Variants in ZNF735 observed in about 807,000 individuals in gnomAD.
ZNF735 encodes zinc finger protein 735, also known as putative zinc finger protein 735.
Under a neutral mutation model 13.4 loss-of-function variants are expected in ZNF735, and 11 were observed. The ratio of observed to expected loss-of-function variants is 0.82; its 90% confidence interval spans 0.52 to 1.36. The LOEUF is 1.36. Ranked by LOEUF, ZNF735 falls within the 40% of genes most tolerant of loss-of-function variation. The pLI is 0.00. For missense variants in ZNF735, 500 were observed against 484.6 expected (o/e 1.03, Z -0.30); for synonymous variants, 171 against 162.6 (o/e 1.05, Z -0.39).
At chr7:64,213,011 T>C (rs1787377915) in intron 1 of ZNF735, 81 bp from the exon 2 acceptor site, 2 of 1,428,066 alleles carry the variant, frequency 1.4e-6, no homozygotes, top group Non-Finnish European at 1.9e-6. Context: ...ACTCTCTTTT[T>C]TAACTTGAGT....
At chr7:64,212,791 G>GAA (rs397733091) in intron 1 of ZNF735, among the ~76,000 whole-genome samples, 24 of 125,562 alleles carry the variant, frequency 1.9e-4, no homozygotes, top group Admixed American at 4.0e-4. Context: ...ACTTGGTAAA[G>GAA]AAAAAAAAAA....
intron 3 of ZNF735, among the ~76,000 whole-genome samples, chr7:64,215,744 C>A (rs891846696): frequency 2.6e-5 from 4 of 151,494 alleles, no homozygotes; most frequent in Non-Finnish European, 5.9e-5. Flanking sequence ...ATGTAGATAT[C>A]CAGTTTTCAA....
rs1787388114 is a variant in ZNF735 at position 64,213,802 on chromosome 7, T to TACAAAG, written c.167-206_167-205insGACAAA. On this transcript the variant is annotated intron_variant, in intron 2 of 3. Coordinates refer to ENST00000429565, the Ensembl canonical transcript of ZNF735. ...GGTGAAACTCCGTCTCTACTAAAAA[T>TACAAAG]ACAAAAATTAGCTGGGCGTGGTGGT... Among the ~76,000 whole-genome samples, 3 of 151,816 alleles carry TACAAAG rather than the reference T, an allele frequency of 2.0e-5. No individual in the cohort carries two copies. In the South Asian group the frequency reaches 6.2e-4, roughly 32 times the overall value.
At chr7:64,209,459 T>G (rs567698531) in intron 1 of ZNF735, among the ~76,000 whole-genome samples, 283 of 151,998 alleles carry the variant, frequency 1.9e-3, no homozygotes, top group Admixed American at 3.1e-3. Flanking sequence ...GCGATTCTCC[T>G]GGGATTACAG....
At chr7:64,216,607 A>ATTTTTTTTT (rs34572712) in intron 3 of ZNF735, among the ~76,000 whole-genome samples, 3 of 145,550 alleles carry the variant, frequency 2.1e-5, no homozygotes, top group African/African-American at 7.5e-5. Flanking sequence ...CTCTTCTTAA[A>ATTTTTTTTT]TTTTTTTTTT....
chr7:64,207,233 C>G (rs776562576), exon 1 of ZNF735: 1 of 1,614,092 alleles, frequency 6.2e-7, no homozygotes, highest in South Asian at 1.1e-5. Flanking sequence ...CCCTGGAAGC[C>G]GAGAAATGGT....
At chr7:64,219,700 G>A in exon 4 of ZNF735, 3 of 1,590,634 alleles carry the variant, frequency 1.9e-6, no homozygotes, top group Middle Eastern at 1.7e-4. Flanking sequence ...CAAATGTGAA[G>A]AATGTGGCAA....
exon 4 of ZNF735, chr7:64,219,930 A>G: frequency 6.2e-7 from 1 of 1,613,932 alleles, no homozygotes. Context: ...TTCATACTGG[A>G]GAGAGACCCT....
chr7:64,220,234 A>G (rs1052586061), exon 4 of ZNF735: 2 of 1,612,550 alleles, frequency 1.2e-6, no homozygotes, highest in African/African-American at 2.7e-5. Flanking sequence ...GTGGCATTCA[A>G]GTCTTGCTAA....
chr7:64,219,759 T>C (rs1402616115), exon 4 of ZNF735: 1 of 1,610,058 alleles, frequency 6.2e-7, no homozygotes, highest in South Asian at 1.1e-5. Flanking sequence ...GAATTCTTAC[T>C]GGAGAGAAAC....
chr7:64,215,714 C>T (rs1311312629), intron 3 of ZNF735, among the ~76,000 whole-genome samples: 1 of 151,592 alleles, frequency 6.6e-6, no homozygotes, highest in Non-Finnish European at 1.5e-5. Context: ...GCAATTAAAG[C>T]ATCCAACTTC....
rs551760886 is a variant in ZNF735, at chr7:64,213,083, T to C, written c.40-9T>C. 2.0e-5 allele frequency: 32 copies of C among 1,607,458 alleles called. No homozygotes were observed. Among genetic ancestry groups the C allele is most frequent in the African/African-American group, 1.7e-4 (13 of 74,584 alleles). ...GTGTGTTCATGAGGTTTTTCTTTTT[T>C]TTTTTCAGGGACTGTTGACATTCAG... On this transcript the variant is annotated splice_polypyrimidine_tract_variant and intron_variant, in intron 1 of 3. Coordinates refer to ENST00000429565, the Ensembl canonical transcript of ZNF735.
intron 1 of ZNF735, among the ~76,000 whole-genome samples, chr7:64,211,381 C>A (rs756401543): frequency 6.6e-6 from 1 of 152,126 alleles, no homozygotes; most frequent in African/African-American, 2.4e-5. Context: ...TAGTTCCATG[C>A]AGAACAGGGT....
At chr7:64,214,716 CTG>C (rs763137403) in intron 3 of ZNF735, among the ~76,000 whole-genome samples, 5 of 151,760 alleles carry the variant, frequency 3.3e-5, no homozygotes, top group Non-Finnish European at 7.4e-5. Context: ...TCATTTTACT[CTG>C]TTGCATATTT....
At chr7:64,212,654 G>A (rs1350425928) in intron 1 of ZNF735, among the ~76,000 whole-genome samples, 2 of 151,982 alleles carry the variant, frequency 1.3e-5, no homozygotes, top group Non-Finnish European at 2.9e-5. Context: ...TTAGCCAGGC[G>A]TGGTGGCCCA....
At chr7:64,214,893 A>G (rs1461427952) in intron 3 of ZNF735, among the ~76,000 whole-genome samples, 1 of 152,038 alleles carries the variant, frequency 6.6e-6, no homozygotes, top group Non-Finnish European at 1.5e-5. Flanking sequence ...GGTGTTTTAA[A>G]AAAAAATTAT....
chr7:64,207,282 T>C (rs1787299741), intron 1 of ZNF735, 41 bp downstream of exon 1: 1 of 1,613,958 alleles, frequency 6.2e-7, no homozygotes, highest in Non-Finnish European at 8.5e-7. Context: ...GGGTGGGAGG[T>C]GGTTGGAACC....
chr7:64,216,386 A>T (rs1787421493), intron 3 of ZNF735, among the ~76,000 whole-genome samples: 1 of 152,114 alleles, frequency 6.6e-6, no homozygotes, highest in African/African-American at 2.4e-5. Context: ...CCACTGTGGG[A>T]TATATTGACA....
intron 1 of ZNF735, among the ~76,000 whole-genome samples, chr7:64,210,092 A>G (rs1201632478): frequency 6.6e-6 from 1 of 152,242 alleles, no homozygotes; most frequent in African/African-American, 2.4e-5. Context: ...AACACTTAGT[A>G]CCAGCTCCCA....
Sources: allele counts gnomAD v4.1 joint callset (sites outside exome capture counted in the v4.1 genomes callset), GRCh38; gene constraint gnomAD v4.1.1; transcripts MANE v1.5; gene names NCBI Gene and HGNC (gene_info 2026-07-23, HGNC 2026-07-21).